NBEAL1: variants seen among roughly 807,000 people sequenced by gnomAD.
The protein encoded by NBEAL1 is neurobeachin like 1.
NBEAL1 carries 273 observed loss-of-function variants against 351.3 expected under a neutral mutation model. The observed-to-expected ratio is 0.78, with a 90% CI of 0.70 to 0.86. The LOEUF (loss-of-function observed/expected upper bound fraction) is 0.86, where lower values mean the gene tolerates loss of function less well. NBEAL1 is among the 40% of genes least tolerant of loss of function. The pLI is 0.00. For synonymous variants in NBEAL1, 1,050 were observed against 1,086.4 expected (o/e 0.97, Z 0.66); for missense variants, 2,961 against 3,201.3 (o/e 0.92, Z 1.81).
chr2:203,047,034 G>T (rs1216299878), intron 3 of NBEAL1, among the ~76,000 whole-genome samples: 1 of 151,978 alleles, frequency 6.6e-6, no homozygotes, highest in Non-Finnish European at 1.5e-5. Context: ...ATTAGTGGGC[G>T]TGGTGGCAAG....
At chr2:203,052,282 A>G (rs1227232867) in intron 4 of NBEAL1, 1 of 151,778 alleles carries the variant, frequency 6.6e-6, no homozygotes, top group African/African-American at 2.4e-5. Context: ...TCATAAGCAT[A>G]CCAAATGTTA....
chr2:203,019,177 G>A (rs139885969), intron 2 of NBEAL1, among the ~76,000 whole-genome samples: 9 of 152,238 alleles, frequency 5.9e-5, no homozygotes, highest in Non-Finnish European at 8.8e-5. Context: ...GAAACTGACC[G>A]AACAGAGGCC....
intron 3 of NBEAL1, among the ~76,000 whole-genome samples, chr2:203,042,788 A>G (rs2061164882): frequency 6.6e-6 from 1 of 152,010 alleles, no homozygotes; most frequent in South Asian, 2.1e-4. Flanking sequence ...GGGTTTCACC[A>G]TGTTGGCCAG....
chr2:203,032,336 A>G (rs188429368), intron 2 of NBEAL1, among the ~76,000 whole-genome samples: 1 of 152,178 alleles, frequency 6.6e-6, no homozygotes, highest in African/African-American at 2.4e-5. Context: ...TTATGCAGGA[A>G]TAGATAACTA....
intron 18 of NBEAL1, among the ~76,000 whole-genome samples, chr2:203,118,316 A>G (rs1392048239): frequency 6.6e-6 from 1 of 152,178 alleles, no homozygotes; most frequent in Non-Finnish European, 1.5e-5. Flanking sequence ...AATTTTTCCA[A>G]AAATATTTGT....
intron 2 of NBEAL1, among the ~76,000 whole-genome samples, chr2:203,038,880 A>C (rs11683354): frequency 6.8e-6 from 1 of 147,334 alleles, no homozygotes; most frequent in African/African-American, 2.5e-5. Context: ...GGATCTCACT[A>C]TGTTGCTTAG....
chr2:203,171,760 A>G (rs1445200799), intron 39 of NBEAL1, among the ~76,000 whole-genome samples, 168 bp from the exon 40 acceptor site: 1 of 151,238 alleles, frequency 6.6e-6, no homozygotes, highest in Non-Finnish European at 1.5e-5. Context: ...CCTTTTTTAG[A>G]GACCAATATT....
chr2:203,026,658 G>T (rs1443521629), intron 2 of NBEAL1, among the ~76,000 whole-genome samples: 1 of 152,014 alleles, frequency 6.6e-6, no homozygotes, highest in Non-Finnish European at 1.5e-5. Flanking sequence ...GGAACTACTG[G>T]TGTGCACCAC....
chr2:203,188,364 A>G, intron 44 of NBEAL1, 108 bp from the exon 45 acceptor site: 2 of 549,442 alleles, frequency 3.6e-6, no homozygotes, highest in Non-Finnish European at 6.1e-6. Context: ...TGCCAGAAAG[A>G]TTTGTGTGTG....
chr2:203,097,227 G>A (rs1292970642), intron 10 of NBEAL1, among the ~76,000 whole-genome samples: 1 of 152,138 alleles, frequency 6.6e-6, no homozygotes, highest in Non-Finnish European at 1.5e-5. Context: ...AGATTTGGGT[G>A]GGGACACAGA....
chr2:203,112,579 G>A (rs2062598558), intron 16 of NBEAL1, among the ~76,000 whole-genome samples: 1 of 152,158 alleles, frequency 6.6e-6, no homozygotes, highest in African/African-American at 2.4e-5. Context: ...TAGTGGAATA[G>A]AGTAGATTAT....
rs1444766443 is a variant in NBEAL1 at position 203,177,350 on chromosome 2, C to T, written c.6464+2063C>T. ...AGGAGTTCAAGTTCAGCCTGGGCAA[C>T]ATAGTGAGACGCCCATCTCTATTAA... On this transcript the variant is annotated intron_variant, in intron 42 of 55. Coordinates refer to ENST00000683969, the MANE Select transcript of NBEAL1 (RefSeq NM_001378026.1). Among the ~76,000 whole-genome samples, 3 of 134,520 alleles carry T rather than the reference C, an allele frequency of 2.2e-5. No homozygotes were observed. In the Admixed American group the frequency reaches 2.3e-4, roughly 10 times the overall value. The allele number at this position is 134,520 out of a possible 152,430, so 88.3% of individuals were successfully genotyped here.
chr2:203,087,609 A>G (rs182393713), intron 10 of NBEAL1, among the ~76,000 whole-genome samples: 1 of 152,058 alleles, frequency 6.6e-6, no homozygotes, highest in South Asian at 2.1e-4. Context: ...TAAACCCTTC[A>G]TGTTTTCTTA....
intron 2 of NBEAL1, among the ~76,000 whole-genome samples, chr2:203,016,955 C>G (rs2060691329): frequency 6.6e-6 from 1 of 152,106 alleles, no homozygotes; most frequent in African/African-American, 2.4e-5. Flanking sequence ...GTGATCATCC[C>G]CTTTTACTGA....
intron 2 of NBEAL1, among the ~76,000 whole-genome samples, chr2:203,027,138 T>A (rs2060872160): frequency 6.6e-6 from 1 of 152,230 alleles, no homozygotes; most frequent in Admixed American, 6.5e-5. Flanking sequence ...AGACTGACTA[T>A]GAAATGTGCC....
At chr2:203,088,332 A>G (rs2062005797) in intron 10 of NBEAL1, among the ~76,000 whole-genome samples, 1 of 152,160 alleles carries the variant, frequency 6.6e-6, no homozygotes, top group Non-Finnish European at 1.5e-5. Context: ...GGGGAGGGAA[A>G]AGAGTCAGCA....
intron 2 of NBEAL1, among the ~76,000 whole-genome samples, chr2:203,038,754 C>CCCA: frequency 6.7e-6 from 1 of 148,908 alleles, no homozygotes; most frequent in South Asian, 2.1e-4. Flanking sequence ...CACAGCTCAC[C>CCCA]CCAGTCTTGA....
intron 6 of NBEAL1, among the ~76,000 whole-genome samples, chr2:203,059,419 A>G (rs73990616): frequency 0.016 from 2,483 of 152,352 alleles, 67 homozygotes; most frequent in African/African-American, 0.056. Flanking sequence ...CATCAGAGCT[A>G]CTAAAGATCC....
chr2:203,080,940 G>A (rs975381096), intron 8 of NBEAL1, among the ~76,000 whole-genome samples: 6 of 152,078 alleles, frequency 3.9e-5, no homozygotes, highest in Non-Finnish European at 5.9e-5. Context: ...TTCTCTTTTC[G>A]AAAACACAGA....
Sources: gnomAD v4.1 joint callset for allele counts (sites outside exome capture counted in the v4.1 genomes callset) on GRCh38, gnomAD v4.1.1 for gene constraint, MANE v1.5 for transcripts, NCBI Gene and HGNC (gene_info 2026-07-23, HGNC 2026-07-21) for gene names.